Variants in BTBD16 observed in about 807,000 individuals in gnomAD.
The protein encoded by BTBD16 is BTB domain containing 16, also known as BTB/POZ domain-containing protein 16.
BTBD16 carries 66 observed loss-of-function variants against 67.4 expected under a neutral mutation model. The ratio of observed to expected loss-of-function variants is 0.98; its 90% CI spans 0.80 to 1.20. BTBD16 has a LOEUF of 1.20. BTBD16 is among the 50% of genes most tolerant of loss of function. The pLI, the probability that BTBD16 is intolerant of heterozygous loss-of-function variation, is 0.00. For missense variants in BTBD16, 634 were observed against 616.0 expected, an observed-to-expected ratio of 1.03 and a Z score of -0.31; for synonymous variants, 242 against 236.4, an observed-to-expected ratio of 1.02 and a Z score of -0.22.
Position 122,283,851 on chromosome 10 carries a change from G to A in BTBD16, c.168G>A (p.Arg56=), listed in dbSNP as rs1156500411. ...DFEEALRNPD[R]LCISQIQKFF... is the part of the protein sequence containing the mutation. The stretch of plus-strand genomic sequence containing the variant: ...TTTTATATTTGCATTTTCCCTTGAG[G>A]TTATGCATTTCACAAATCCAGAAGT... Residue 56 remains arginine, a splice_region_variant and synonymous_variant, in exon 4 of 16, where the codon AGG becomes AGA. Transcript: ENST00000260723. 6.2e-7 allele frequency: 1 copy of A among 1,612,826 alleles called. No individual in the cohort carries two copies. The highest frequency in any genetic ancestry group is 8.5e-7 in the Non-Finnish European group (1 of 1,178,948).
intron 5 of BTBD16, among the ~76,000 whole-genome samples, chr10:122,289,419 T>A (rs2096369723): frequency 6.6e-6 from 1 of 152,160 alleles, no homozygotes; most frequent in African/African-American, 2.4e-5. Context: ...AGTCTTAAAC[T>A]ATTTCAAAGT....
intron 5 of BTBD16, among the ~76,000 whole-genome samples, chr10:122,286,914 T>C (rs2096364861): frequency 6.6e-6 from 1 of 152,170 alleles, no homozygotes; most frequent in Admixed American, 6.5e-5. Flanking sequence ...CCCCTCGGGC[T>C]GACTCATAAG....
At chr10:122,293,806 T>C (rs2096378297) in intron 7 of BTBD16, among the ~76,000 whole-genome samples, 1 of 152,222 alleles carries the variant, frequency 6.6e-6, no homozygotes. Context: ...ACCTGAATGC[T>C]GGCAGGGTAG....
intron 10 of BTBD16, among the ~76,000 whole-genome samples, chr10:122,317,731 G>A (rs896667041): frequency 6.6e-6 from 1 of 151,994 alleles, no homozygotes; most frequent in Non-Finnish European, 1.5e-5. Flanking sequence ...GGTCCACACA[G>A]GGTCAGGACC....
chr10:122,295,359 C>T, intron 7 of BTBD16: 1 of 985,346 alleles, frequency 1.0e-6, no homozygotes, highest in South Asian at 4.7e-5. Context: ...TAAGCCTGGC[C>T]ACTAAGACCC....
At chr10:122,308,348 G>C (rs548326290) in intron 10 of BTBD16, among the ~76,000 whole-genome samples, 37 of 152,276 alleles carry the variant, frequency 2.4e-4, no homozygotes, top group Non-Finnish European at 4.4e-5. Context: ...AGGCACAGGG[G>C]TGTTTCTCAC....
At chr10:122,297,314 T>G (rs1342458159) in intron 7 of BTBD16, among the ~76,000 whole-genome samples, 1 of 152,192 alleles carries the variant, frequency 6.6e-6, no homozygotes, top group Admixed American at 6.5e-5. Flanking sequence ...AGTCATGAGC[T>G]CGCAGAGACC....
intron 9 of BTBD16, among the ~76,000 whole-genome samples, chr10:122,300,263 G>A (rs1293332805): frequency 2.6e-5 from 4 of 151,838 alleles, no homozygotes; most frequent in East Asian, 1.9e-4. Context: ...CAAATTTAAC[G>A]TTGCAAGAAT....
rs1044678393 is a variant in BTBD16 at position 122,328,652 on chromosome 10, T to C, written c.912-828T>C. Reference sequence around the variant, plus strand: ...ATCTACAAGTACCCTGGGTGGGTCCTATGCAGGCTCTGCCTTGAGGGAGTG... The same window carrying C: ...ATCTACAAGTACCCTGGGTGGGTCCCATGCAGGCTCTGCCTTGAGGGAGTG... On this transcript the variant is annotated intron_variant, in intron 10 of 15. Transcript: ENST00000260723. 13 of 589,918 alleles carry C rather than the reference T, an allele frequency of 2.2e-5. No homozygotes were observed. In the African/African-American group the frequency reaches 2.6e-4, roughly 12 times the overall value. 36.5% of individuals were successfully genotyped at this position (589,918 alleles called of 1,614,324 possible).
rs112265160 is a variant in BTBD16, at chr10:122,272,678, T to TACACACACACACACAC, written c.-43+1178_-43+1193dup. On this transcript the variant is annotated intron_variant, in intron 1 of 15. Coordinates refer to ENST00000260723, the MANE Select transcript of BTBD16 (RefSeq NM_144587.5). ...TCAAATTAGAGACTGGCAAAGGAAA[T>TACACACACACACACAC]ACACACACACACACACACACACACA... 3.7e-3 allele frequency among the ~76,000 whole-genome samples: 552 copies of TACACACACACACACAC among 147,686 alleles called. 3 individuals carry two copies. The highest frequency in any genetic ancestry group is 8.0e-3 in the African/African-American group (323 of 40,312).
At chr10:122,332,613 G>A in intron 13 of BTBD16, 100 bp downstream of exon 13, 1 of 1,277,954 alleles carries the variant, frequency 7.8e-7, no homozygotes, top group South Asian at 1.4e-5. Flanking sequence ...CTCCTGGTAG[G>A]AAGGTCAGGG....
intron 7 of BTBD16, chr10:122,294,048 G>T: frequency 1.2e-6 from 1 of 845,048 alleles, no homozygotes; most frequent in African/African-American, 1.8e-5. Context: ...TCATTCCACT[G>T]ATGAGCAAAC....
chr10:122,290,674 C>A (rs956977682), intron 6 of BTBD16, among the ~76,000 whole-genome samples: 1 of 152,036 alleles, frequency 6.6e-6, no homozygotes, highest in African/African-American at 2.4e-5. Context: ...TTTGGAAGTC[C>A]CCAGACTCCA....
intron 10 of BTBD16, among the ~76,000 whole-genome samples, chr10:122,311,615 A>G (rs927068805): frequency 4.6e-5 from 7 of 152,238 alleles, no homozygotes; most frequent in Non-Finnish European, 8.8e-5. Context: ...AAAGGGCAGA[A>G]GCAGGCAAAT....
In BTBD16 at chr10:122,289,954, T is replaced by A; in HGVS notation, c.431T>A (p.Ile144Asn). The part of the protein sequence containing the change: ...KTKEKSPAKR[I>N]IISLKINDPL... The stretch of plus-strand genomic sequence containing the variant: ...AAAGAAAAATCCCCTGCAAAGAGGA[T>A]CATCATTTCCTTGAAGATCAATGAC... Residue 144 changes from isoleucine to asparagine, a missense_variant, in exon 6 of 16, where the codon ATC becomes AAC. Transcript: ENST00000260723. 1 of 1,613,846 alleles carries A rather than the reference T, an allele frequency of 6.2e-7. No homozygotes were observed. Among genetic ancestry groups the A allele is most frequent in the Non-Finnish European group, 8.5e-7 (1 of 1,179,914 alleles).
chr10:122,312,367 C>T (rs1457496070), intron 10 of BTBD16, among the ~76,000 whole-genome samples: 9 of 134,742 alleles, frequency 6.7e-5, no homozygotes, highest in East Asian at 2.1e-4. Flanking sequence ...GGCTGGAGTG[C>T]GGTGGCATAG....
At chr10:122,272,678 TACACACAC>T (rs112265160) in intron 1 of BTBD16, among the ~76,000 whole-genome samples, 5 of 147,652 alleles carry the variant, frequency 3.4e-5, no homozygotes, top group Admixed American at 1.3e-4. Context: ...GCAAAGGAAA[TACACACAC>T]ACACACACAC....
In BTBD16 at chr10:122,291,169, C is replaced by T. The variant is rs1361902725; in HGVS notation, c.565C>T (p.Leu189Phe). The part of the protein sequence containing the change: ...LLGVLASAHI[L>F]QFSGLFQRCV... Reference sequence around the variant, plus strand: ...GGGAGTGCTGGCTTCCGCCCACATCCTCCAGTTCAGTGGCCTGTTTCAAAG... The same window carrying T: ...GGGAGTGCTGGCTTCCGCCCACATCTTCCAGTTCAGTGGCCTGTTTCAAAG... The change falls in exon 7 of 16, where the codon CTC becomes TTC. Residue 189 changes from leucine to phenylalanine, a missense_variant. Transcript: ENST00000260723. The T allele has an allele frequency of 6.2e-7, 1 of 1,613,680 alleles. No homozygotes were observed. The highest frequency in any genetic ancestry group is 1.7e-5 in the Admixed American group (1 of 59,958).
chr10:122,289,348 G>A (rs560242599), intron 5 of BTBD16, among the ~76,000 whole-genome samples: 3 of 152,290 alleles, frequency 2.0e-5, no homozygotes, highest in East Asian at 1.9e-4. Flanking sequence ...ATGTAGGATC[G>A]TTGGGGGAAG....
Sources: gnomAD v4.1 joint callset for allele counts (sites outside exome capture counted in the v4.1 genomes callset) on GRCh38, gnomAD v4.1.1 for gene constraint, MANE v1.5 for transcripts, NCBI Gene and HGNC (gene_info 2026-07-23, HGNC 2026-07-21) for gene names.